The following RAG2 variants were observed in gnomAD, a reference collection of about 807,000 sequenced individuals.
The protein encoded by RAG2 is V(D)J recombination-activating protein 2.
RAG2 carries 16 observed loss-of-function variants against 31.8 expected under a neutral mutation model. That is an observed-to-expected ratio of 0.50 (90% CI 0.34 to 0.76). RAG2 has a LOEUF of 0.76. Ranked by LOEUF, RAG2 falls within the 30% of genes least tolerant of loss-of-function variation. The pLI is 0.01. For synonymous variants in RAG2, 199 were observed against 215.9 expected (o/e 0.92, Z 0.68); for missense variants, 622 against 628.5 (o/e 0.99, Z 0.11).
At position 36,593,931 on chromosome 11, in the gene RAG2, A is replaced by C. The variant is rs762369105; in HGVS notation, c.238T>G (p.Phe80Val). 6.2e-7 allele frequency: 1 copy of C among 1,614,098 alleles called. No individual in the cohort carries two copies. The highest frequency in any genetic ancestry group is 8.5e-7 in the Non-Finnish European group (1 of 1,180,042). Residue 80 changes from phenylalanine (F) to valine (V), a missense_variant, in exon 2 of 2, where the codon TTC becomes GTC. Coordinates refer to ENST00000311485, the MANE Select transcript of RAG2 (RefSeq NM_000536.4). Reference sequence around the variant, plus strand: ...TTTTCAGACTCCAAGCTGCCTTTGAATGTGCAAGTGGCTGGGTAGCGAAGA... The same window carrying C: ...TTTTCAGACTCCAAGCTGCCTTTGACTGTGCAAGTGGCTGGGTAGCGAAGA... ...PPLRYPATCT[F>V]KGSLESEKHQ... is the part of the protein sequence containing the mutation.
Position 36,594,172 on chromosome 11 carries a change from T to C in RAG2, c.-4A>G. 2 of 1,587,016 alleles carry C rather than the reference T, an allele frequency of 1.3e-6. No individual in the cohort carries two copies. The highest frequency in any genetic ancestry group is 1.7e-6 in the Non-Finnish European group (2 of 1,155,534). ...CTGTTACCATCTGCAGAGACATAGTTTCTGATGGTACGTAGATTTTTGTCT... is the reference window on the plus strand; with the variant it reads ...CTGTTACCATCTGCAGAGACATAGTCTCTGATGGTACGTAGATTTTTGTCT... On this transcript the variant is annotated 5_prime_UTR_variant, in exon 2 of 2. Coordinates refer to ENST00000311485, the MANE Select transcript of RAG2 (RefSeq NM_000536.4).
At position 36,592,384 on chromosome 11, in the gene RAG2, A is replaced by G. The variant is rs770212281; in HGVS notation, c.*201T>C. On this transcript the variant is annotated 3_prime_UTR_variant, in exon 2 of 2. Transcript: ENST00000311485. ...TTAGTAAATTGAGTATTTGGGTAAAATATTTTCAAAATGTATAGGGTCTAG... is the reference window on the plus strand; with the variant it reads ...TTAGTAAATTGAGTATTTGGGTAAAGTATTTTCAAAATGTATAGGGTCTAG... 68 of 677,864 alleles carry G rather than the reference A, an allele frequency of 1.0e-4. No individual in the cohort carries two copies. The highest frequency in any genetic ancestry group is 3.7e-4 in the Admixed American group (12 of 32,044). 42.0% of individuals were successfully genotyped at this position (677,864 alleles called of 1,614,324 possible). A position where few individuals can be genotyped will look rare whatever the true frequency, so the allele number is the denominator to read the frequency against.
chr11:36,593,620 GA>G lies in RAG2; in HGVS notation c.548del (p.Phe183SerfsTer37). The G allele has an allele frequency of 6.2e-7, 1 of 1,614,138 alleles. No homozygotes were observed. Among genetic ancestry groups the G allele is most frequent in the Non-Finnish European group, 8.5e-7 (1 of 1,180,026 alleles). On this transcript the variant is annotated frameshift_variant, in exon 2 of 2. Transcript: ENST00000311485. LOFTEE classifies it high-confidence loss of function. ...CACACCCAAATTCAAAATCCACCAG[GA>G]AAACACAGGGCAGGCAGTCAGCTAC... ...NSVADCLPCV[F>X]LVDFEFGCAT...
chr11:36,592,766 T>G lies in RAG2; in HGVS notation c.1403A>C (p.His468Pro), dbSNP rs751064709. The change falls in exon 2 of 2, where the codon CAT becomes CCT. Residue 468 changes from histidine to proline, a missense_variant. Physicochemically the swap from His to Pro is moderately conservative, Grantham distance 77 (BLOSUM62 -2). Coordinates refer to ENST00000311485, the MANE Select transcript of RAG2 (RefSeq NM_000536.4). Reference protein sequence around the residue: ...CMDLAERTLIHLSAGSNKYYC... With the variant: ...CMDLAERTLIPLSAGSNKYYC... ...ATACTTGTTGCTTCCTGCTGACAGA[T>G]GGATGAGTGTGCGTTCTGCCAGATC... The G allele has an allele frequency of 2.5e-6, 4 of 1,614,032 alleles. No homozygotes were observed. The highest frequency in any genetic ancestry group is 1.3e-5 in the African/African-American group (1 of 74,902).
intron 1 of RAG2, among the ~76,000 whole-genome samples, chr11:36,595,503 A>C (rs116482064): frequency 6.6e-6 from 1 of 152,210 alleles, no homozygotes; most frequent in Non-Finnish European, 1.5e-5. Context: ...TTAAGAGTTA[A>C]TTCTTAATAT....
rs886048271 is a variant in RAG2, at chr11:36,593,307, T to G, written c.862A>C (p.Asn288His). Residue 288 changes from asparagine (N) to histidine (H), a missense_variant, in exon 2 of 2, where the codon AAC (asparagine) becomes CAC (histidine). By Grantham distance (68) the Asn-to-His change is moderately conservative (BLOSUM62 1). Transcript: ENST00000311485. Reference protein sequence around the residue: ...QLENQKRMICNIISLEDNKIE... With the variant: ...QLENQKRMICHIISLEDNKIE... The stretch of plus-strand genomic sequence containing the variant: ...TTGTTGTCCTCTAAAGAGATGATGT[T>G]GCAGATCATTCTTTTTTGATTTTCA... 1 of 1,614,064 alleles carries G rather than the reference T, an allele frequency of 6.2e-7. No homozygotes were observed. The highest frequency in any genetic ancestry group is 8.5e-7 in the Non-Finnish European group (1 of 1,180,024).
At chr11:36,595,381 A>G (rs1206169840) in intron 1 of RAG2, 2 of 152,198 alleles carry the variant, frequency 1.3e-5, no homozygotes, top group South Asian at 2.1e-4. Flanking sequence ...ATAAATTTCT[A>G]TTTTATTATT....
Position 36,592,268 on chromosome 11 carries a change from T to G in RAG2, c.*317A>C. On this transcript the variant is annotated 3_prime_UTR_variant, in exon 2 of 2. Coordinates refer to ENST00000311485, the MANE Select transcript of RAG2 (RefSeq NM_000536.4). ...TTGTTACCAAGACTTATATAATAAATATAAACATACCTCGATGATTATTAC... is the reference window on the plus strand; with the variant it reads ...TTGTTACCAAGACTTATATAATAAAGATAAACATACCTCGATGATTATTAC... 1 of 325,850 alleles carries G rather than the reference T, an allele frequency of 3.1e-6. No individual in the cohort carries two copies. The highest frequency in any genetic ancestry group is 3.2e-5 in the South Asian group (1 of 31,010). The allele number at this position is 325,850 out of a possible 1,614,324, so 20.2% of individuals were successfully genotyped here. A position where few individuals can be genotyped will look rare whatever the true frequency, so the allele number is the denominator to read the frequency against.
At chr11:36,595,659 GATA>G (rs573332136) in intron 1 of RAG2, among the ~76,000 whole-genome samples, 67 of 152,328 alleles carry the variant, frequency 4.4e-4, no homozygotes, top group African/African-American at 1.5e-3. Flanking sequence ...TGAAAACTGA[GATA>G]ATAATTTTAC....
intron 1 of RAG2, chr11:36,597,682 C>A (rs1460955620): frequency 6.6e-6 from 1 of 152,122 alleles, no homozygotes; most frequent in African/African-American, 2.4e-5. Context: ...CTTGCTGATC[C>A]GTGCTGGCCA....
In RAG2 at chr11:36,592,441, C is replaced by G. The variant is rs12280515; in HGVS notation, c.*144G>C. 9.2e-7 allele frequency: 1 copy of G among 1,083,606 alleles called. No homozygotes were observed. Among genetic ancestry groups the G allele is most frequent in the African/African-American group, 1.6e-5 (1 of 62,484 alleles). The allele number at this position is 1,083,606 out of a possible 1,614,324, so 67.1% of individuals were successfully genotyped here. A position where few individuals can be genotyped will look rare whatever the true frequency, so the allele number is the denominator to read the frequency against. On this transcript the variant is annotated 3_prime_UTR_variant, in exon 2 of 2. Transcript: ENST00000311485. ...TTTATTTATCATTGCATTATAAACA[C>G]TTTTTTCTGGCCCTTAATTCATGTA...
chr11:36,594,092 C>T lies in RAG2; in HGVS notation c.77G>A (p.Gly26Glu), dbSNP rs1851105838. 6.2e-6 allele frequency: 10 copies of T among 1,613,974 alleles called. No individual in the cohort carries two copies. Among genetic ancestry groups the T allele is most frequent in the Non-Finnish European group, 8.5e-6 (10 of 1,179,978 alleles). The change falls in exon 2 of 2, where the codon GGA becomes GAA. Residue 26 changes from glycine to glutamate, a missense_variant. Physicochemically the swap from Gly to Glu is moderately conservative, Grantham distance 98. Transcript: ENST00000311485. The stretch of plus-strand genomic sequence containing the variant: ...TTTTTGTCCAAAGAAGAAAACTTGT[C>T]CATCAAAATTCATCAGTGAGAAGCC... ...QPGFSLMNFD[G>E]QVFFFGQKGW...
In RAG2 at chr11:36,592,510, T is replaced by C; in HGVS notation, c.*75A>G. ...CATTTTAAATAAACAAAAATGTATT[T>C]TTAAAATCAATGTTATGATTTTAAA... On this transcript the variant is annotated 3_prime_UTR_variant, in exon 2 of 2. Coordinates refer to ENST00000311485, the MANE Select transcript of RAG2 (RefSeq NM_000536.4). 1 of 1,535,268 alleles carries C rather than the reference T, an allele frequency of 6.5e-7. No homozygotes were observed. Among genetic ancestry groups the C allele is most frequent in the Non-Finnish European group, 8.8e-7 (1 of 1,134,678 alleles).
chr11:36,594,540 G>T, intron 1 of RAG2: 1 of 271,492 alleles, frequency 3.7e-6, no homozygotes, highest in Non-Finnish European at 7.1e-6. Flanking sequence ...TGTCTTTGTT[G>T]CTCTGGGAGA....
intron 1 of RAG2, among the ~76,000 whole-genome samples, chr11:36,596,222 G>GTTTTTTTTTTTTTT (rs67282079): frequency 1.5e-4 from 18 of 118,368 alleles, no homozygotes; most frequent in African/African-American, 2.5e-4. Flanking sequence ...TTTTTTTTTT[G>GTTTTTTTTTTTTTT]TTTTTTTTTT....
intron 1 of RAG2, among the ~76,000 whole-genome samples, chr11:36,595,982 ATTC>A (rs755016460): frequency 9.9e-5 from 15 of 152,218 alleles, no homozygotes; most frequent in South Asian, 8.3e-4. Context: ...TTAATATTTT[ATTC>A]TTCTTGTCAC....
At chr11:36,591,837 A>G (rs1851025864), downstream of RAG2, 1 of 152,184 alleles carries the variant, frequency 6.6e-6, no homozygotes, top group African/African-American at 2.4e-5. Flanking sequence ...CTCACAAATA[A>G]TTAGTTCAAA....
downstream of RAG2, among the ~76,000 whole-genome samples, chr11:36,591,741 T>C (rs1270819502): frequency 1.3e-5 from 2 of 152,176 alleles, no homozygotes; most frequent in Non-Finnish European, 1.5e-5. Flanking sequence ...TGAGATTTAT[T>C]TGGTGGTCCT....
At position 36,594,268 on chromosome 11, in the gene RAG2, T is replaced by C. The variant is rs533857801; in HGVS notation, c.-27-73A>G. On this transcript the variant is annotated intron_variant, in intron 1 of 1. Coordinates refer to ENST00000311485, the MANE Select transcript of RAG2 (RefSeq NM_000536.4). Reference sequence around the variant, plus strand: ...CATCGTATTTAGATTCCTTCACATGTGAATAGCATTTTTTTAAGTCCTCCC... The same window carrying C: ...CATCGTATTTAGATTCCTTCACATGCGAATAGCATTTTTTTAAGTCCTCCC... The C allele has an allele frequency of 1.3e-4, 133 of 1,004,262 alleles. 5 individuals carry two copies. The South Asian group carries it at 1.7e-3, about 12-fold the overall frequency. The allele number at this position is 1,004,262 out of a possible 1,614,324, so 62.2% of individuals were successfully genotyped here.
Sources: gnomAD v4.1 joint callset for allele counts (sites outside exome capture counted in the v4.1 genomes callset) on GRCh38, gnomAD v4.1.1 for gene constraint, MANE v1.5 for transcripts, NCBI Gene and HGNC (gene_info 2026-07-23, HGNC 2026-07-21) for gene names.